The following GNAS variants were observed in gnomAD, a reference collection of about 807,000 sequenced individuals.
GNAS encodes protein ALEX.
A neutral mutation model predicts 54.5 loss-of-function variants in GNAS; 8 were observed. The observed-to-expected ratio is 0.15, with a 90% CI of 0.09 to 0.26. The LOEUF (loss-of-function observed/expected upper bound fraction) is 0.26. GNAS is among the 10% of genes least tolerant of loss of function. The pLI is 1.00. For synonymous variants in GNAS, 204 were observed against 191.4 expected (o/e 1.07, Z -0.54); for missense variants, 170 against 529.8 (o/e 0.32, Z 6.67).
intron 6 of GNAS, among the ~76,000 whole-genome samples, chr20:58,907,254 T>C (rs1449025944): frequency 1.3e-5 from 2 of 152,156 alleles, no homozygotes; most frequent in Non-Finnish European, 2.9e-5. Context: ...TACATAGATA[T>C]TCCACGGTTT....
rs757496459 is a variant in GNAS, at chr20:58,910,318, T to A, written c.971-16T>A. The A allele has an allele frequency of 1.2e-5, 19 of 1,582,092 alleles. No individual in the cohort carries two copies. Among genetic ancestry groups the A allele is most frequent in the Non-Finnish European group, 1.6e-5 (18 of 1,150,810 alleles). On this transcript the variant is annotated splice_polypyrimidine_tract_variant and intron_variant, in intron 11 of 12. Transcript: ENST00000371085. The surrounding 1 kb of genome is among the most constrained non-coding windows in gnomAD (Gnocchi z 5.8). ...GAATTTTAAATTACATTAATATGTA[T>A]TCCCTTTTTATATAGCTACTCCCGA... is the stretch of plus-strand genomic sequence containing the variant.
intron 1 of GNAS, among the ~76,000 whole-genome samples, chr20:58,868,452 CT>C (rs560938923): frequency 2.0e-3 from 297 of 145,018 alleles, no homozygotes; most frequent in South Asian, 0.012. Context: ...CCGCAGCCAG[CT>C]TTTTTTTTTT....
chr20:58,872,519 C>G (rs1450456683), intron 1 of GNAS, among the ~76,000 whole-genome samples: 1 of 152,190 alleles, frequency 6.6e-6, no homozygotes, highest in Admixed American at 6.5e-5. Flanking sequence ...GCCAGACCCA[C>G]TGTAGGCATT....
In GNAS at chr20:58,853,954, G is replaced by A; in HGVS notation, c.43+13068G>A. The A allele has an allele frequency of 1.9e-6, 3 of 1,612,256 alleles. No individual in the cohort carries two copies. The highest frequency in any genetic ancestry group is 2.5e-6 in the Non-Finnish European group (3 of 1,179,692). On this transcript the variant is annotated intron_variant, in intron 1 of 12. Transcript: ENST00000306090. This position sits in a 1 kb window ranked among gnomAD's most constrained non-coding sequence, Gnocchi z 4.4. ...GAGACTATGCCATTTGAGCTTGATG[G>A]AGAAGGATTTGGGGACGACAGCCCA...
intron 1 of GNAS, among the ~76,000 whole-genome samples, chr20:58,879,030 T>G (rs1194457608): frequency 3.3e-5 from 5 of 152,200 alleles, no homozygotes; most frequent in Admixed American, 1.3e-4. Context: ...TGAGGATTTT[T>G]GTCTCCTCTT....
rs1317480687 is a variant in GNAS, at chr20:58,841,088, AG to A, written c.43+204del. Among the ~76,000 whole-genome samples the A allele has an allele frequency of 1.3e-5, 2 of 151,968 alleles. No individual in the cohort carries two copies. Among genetic ancestry groups the A allele is most frequent in the Non-Finnish European group, 2.9e-5 (2 of 67,968 alleles). On this transcript the variant is annotated intron_variant, in intron 1 of 12. Transcript: ENST00000306090. The surrounding 1 kb of genome is among the most constrained non-coding windows in gnomAD (Gnocchi z 5.0). The stretch of plus-strand genomic sequence containing the variant: ...ATGCCAGGGGCGCCCTGGTGGCCAA[AG>A]GCTTGTTGGACGGCGGGGCGCACGC...
At chr20:58,840,632 A>G (rs1349612054), upstream of GNAS, 6 of 1,606,498 alleles carry the variant, frequency 3.7e-6, no homozygotes, top group South Asian at 3.3e-5. The surrounding 1 kb of genome is among the most constrained non-coding windows in gnomAD (Gnocchi z 6.0). Flanking sequence ...CGCCTCCCCA[A>G]GTCGCGCGCC....
chr20:58,888,175 A>G (rs537643376), upstream of GNAS, among the ~76,000 whole-genome samples: 76 of 152,274 alleles, frequency 5.0e-4, no homozygotes, highest in Non-Finnish European at 8.2e-4. Flanking sequence ...AAAAAGTTGG[A>G]AGACAGTTTG....
In GNAS at chr20:58,910,916, T is replaced by C. The variant is rs758170376; in HGVS notation, c.*87T>C. ...TGTACAAGCAGTTAATCACCCACCA[T>C]AGGGCATGATTAACAAAGCAACCTT... On this transcript the variant is annotated 3_prime_UTR_variant, in exon 13 of 13. Coordinates refer to ENST00000371085, the MANE Select transcript of GNAS (RefSeq NM_000516.7). This position sits in a 1 kb window ranked among gnomAD's most constrained non-coding sequence, Gnocchi z 5.8. 3 of 1,300,768 alleles carry C rather than the reference T, an allele frequency of 2.3e-6. No homozygotes were observed. Among genetic ancestry groups the C allele is most frequent in the Non-Finnish European group, 3.3e-6 (3 of 904,744 alleles). 80.6% of individuals were successfully genotyped at this position (1,300,768 alleles called of 1,614,324 possible).
At chr20:58,908,836 T>C in intron 6 of GNAS, 1 of 367,620 alleles carries the variant, frequency 2.7e-6, no homozygotes, top group East Asian at 5.4e-5. Flanking sequence ...AAAATAAAAA[T>C]AAACACGAAG....
chr20:58,854,852 A>AC (rs746910541), intron 1 of GNAS: 3 of 1,595,164 alleles, frequency 1.9e-6, no homozygotes, highest in Admixed American at 1.7e-5. Context: ...TCCATCTCAG[A>AC]CCCCCCAGCC....
At chr20:58,906,109 A>C (rs2091024441) in intron 6 of GNAS, among the ~76,000 whole-genome samples, 1 of 152,232 alleles carries the variant, frequency 6.6e-6, no homozygotes, top group Non-Finnish European at 1.5e-5. Flanking sequence ...TTTAAATCCT[A>C]AACTGTACAC....
upstream of GNAS, chr20:58,889,466 G>A (rs2088900772): frequency 6.9e-6 from 3 of 435,894 alleles, no homozygotes; most frequent in African/African-American, 2.1e-5. Context: ...CCTTGCCCCG[G>A]GGCGCCTCCG....
rs1313416988 is a variant in GNAS at position 58,854,296 on chromosome 20, A to G, written c.43+13410A>G. The stretch of plus-strand genomic sequence containing the variant: ...CCCATCAAGGTCTCCGGAGCCCCAG[A>G]TAAGAGAGAGCGAGCAGAGAGACCC... On this transcript the variant is annotated intron_variant, in intron 1 of 12. Coordinates refer to the GNAS transcript ENST00000306090. The G allele has an allele frequency of 6.2e-7, 1 of 1,607,502 alleles. No homozygotes were observed. The highest frequency in any genetic ancestry group is 8.5e-7 in the Non-Finnish European group (1 of 1,177,372).
chr20:58,892,668 C>T (rs1003612309), intron 1 of GNAS, among the ~76,000 whole-genome samples: 1 of 151,882 alleles, frequency 6.6e-6, no homozygotes. Context: ...AGACGTGTCC[C>T]GGGCCAGGCC....
rs548873390 is a variant in GNAS, at chr20:58,903,345, C to T, written c.258-186C>T. 7 of 689,134 alleles carry T rather than the reference C, an allele frequency of 1.0e-5. No individual in the cohort carries two copies. In the African/African-American group the frequency reaches 1.1e-4, roughly 10 times the overall value. 42.7% of individuals were successfully genotyped at this position (689,134 alleles called of 1,614,324 possible). On this transcript the variant is annotated intron_variant, in intron 3 of 12. Transcript: ENST00000371085. ...GCCCCGATTGGGCGTGTCCTCAGGG[C>T]ACATTTGGGAGGTTATAATTTGCAA...
At chr20:58,889,197 G>A (rs2088848841), upstream of GNAS, 4 of 1,212,560 alleles carry the variant, frequency 3.3e-6, no homozygotes, top group Non-Finnish European at 3.2e-6. Flanking sequence ...TCGGCACCGC[G>A]GAGCGGGCTG....
intron 1 of GNAS, among the ~76,000 whole-genome samples, chr20:58,886,049 A>G (rs536736175): frequency 6.6e-6 from 1 of 152,340 alleles, no homozygotes; most frequent in East Asian, 1.9e-4. Context: ...ATTAAGCAGA[A>G]CAGTATTTTC....
At chr20:58,896,876 A>AC (rs1055975438) in intron 2 of GNAS, among the ~76,000 whole-genome samples, 4 of 151,728 alleles carry the variant, frequency 2.6e-5, no homozygotes, top group African/African-American at 9.7e-5. Context: ...TATACCAACC[A>AC]CCCCCCAAAA....
Sources: allele counts gnomAD v4.1 joint callset (sites outside exome capture counted in the v4.1 genomes callset), GRCh38; gene constraint gnomAD v4.1.1; non-coding constraint Gnocchi (gnomAD v3.1); transcripts MANE v1.5; gene names NCBI Gene and HGNC (gene_info 2026-07-23, HGNC 2026-07-21).